The following GTF2IRD1 variants were observed in gnomAD, a reference collection of about 807,000 sequenced individuals.
The protein encoded by GTF2IRD1 is GTF2I repeat domain containing 1.
GTF2IRD1 carries 26 observed loss-of-function variants against 113.2 expected under a neutral mutation model. The ratio of observed to expected loss-of-function variants is 0.23; its 90% CI spans 0.17 to 0.32. The LOEUF is 0.32. Ranked by LOEUF, GTF2IRD1 falls within the 10% of genes least tolerant of loss-of-function variation. The pLI is 1.00. For missense variants in GTF2IRD1, 864 were observed against 1,280.8 expected, an observed-to-expected ratio of 0.67 and a Z score of 4.97; for synonymous variants, 484 against 529.1, an observed-to-expected ratio of 0.91 and a Z score of 1.17.
At chr7:74,602,169 G>A (rs587604058) in intron 26 of GTF2IRD1, 196 bp from the exon 27 acceptor site, 6 of 474,652 alleles carry the variant, frequency 1.3e-5, no homozygotes, top group Admixed American at 1.2e-4. Flanking sequence ...TTGAACCCGC[G>A]GGGCCAAGGT....
chr7:74,466,975 G>A (rs1472518460), intron 1 of GTF2IRD1, among the ~76,000 whole-genome samples: 1 of 149,878 alleles, frequency 6.7e-6, no homozygotes, highest in Non-Finnish European at 1.5e-5. Context: ...TTTGGAGACA[G>A]GGTCTCGCTC....
intron 1 of GTF2IRD1, among the ~76,000 whole-genome samples, chr7:74,461,478 A>G (rs903542834): frequency 1.3e-5 from 2 of 152,158 alleles, no homozygotes; most frequent in African/African-American, 4.8e-5. Context: ...TTGTTACGCC[A>G]GCCAGTGAGG....
chr7:74,503,220 C>T (rs1554339998), intron 1 of GTF2IRD1, among the ~76,000 whole-genome samples: 2 of 152,046 alleles, frequency 1.3e-5, no homozygotes, highest in Admixed American at 6.5e-5. Context: ...GCGGTCACCT[C>T]TGATGAGGTA....
At position 74,589,873 on chromosome 7, in the gene GTF2IRD1, C is replaced by A. The variant is rs587714692; in HGVS notation, c.2343C>A (p.Leu781=). 8 of 1,611,664 alleles carry A rather than the reference C, an allele frequency of 5.0e-6. No homozygotes were observed. The highest frequency in any genetic ancestry group is 3.3e-4 in the Middle Eastern group (2 of 6,058). Residue 781 remains leucine (L), a synonymous_variant, in exon 23 of 27, where the codon CTC becomes CTA. Transcript: ENST00000424337. ...TAGATGAAGATGACGCCAACAGACT[C>A]GGGGAGAAGGTGATCCTGCGGGAGC... The part of the protein sequence containing the change: ...PKPDEDDANR[L]GEKVILREQV...
At chr7:74,535,783 C>T (rs982445455) in intron 10 of GTF2IRD1, among the ~76,000 whole-genome samples, 3 of 152,216 alleles carry the variant, frequency 2.0e-5, no homozygotes, top group African/African-American at 7.2e-5. Flanking sequence ...TTCCTCTGGG[C>T]TCCTGGCACG....
intron 17 of GTF2IRD1, among the ~76,000 whole-genome samples, chr7:74,549,398 A>C (rs1443296207): frequency 6.6e-6 from 1 of 152,150 alleles, no homozygotes; most frequent in Non-Finnish European, 1.5e-5. Context: ...GATAGTTCTC[A>C]AACTGGGAGA....
At chr7:74,496,105 TGTGTGTATGCATGTGTGA>T (rs1795651771) in intron 1 of GTF2IRD1, among the ~76,000 whole-genome samples, 2 of 152,028 alleles carry the variant, frequency 1.3e-5, no homozygotes, top group South Asian at 4.1e-4. Flanking sequence ...TGTGTGCATA[TGTGTGTATGCATGTGTGA>T]GTGTGCATGC....
At chr7:74,539,307 A>T (rs190292881) in intron 13 of GTF2IRD1, among the ~76,000 whole-genome samples, 2 of 152,138 alleles carry the variant, frequency 1.3e-5, no homozygotes, top group Non-Finnish European at 2.9e-5. Context: ...CATTAGCCAG[A>T]TGTGGTGGTG....
intron 8 of GTF2IRD1, among the ~76,000 whole-genome samples, chr7:74,524,966 G>A (rs1354593645): frequency 6.6e-6 from 1 of 152,186 alleles, no homozygotes; most frequent in Non-Finnish European, 1.5e-5. Flanking sequence ...GAGTCCAGAA[G>A]GTTGAGGCTA....
intron 1 of GTF2IRD1, among the ~76,000 whole-genome samples, chr7:74,464,451 ATTTG>A (rs782420734): frequency 2.0e-5 from 3 of 151,474 alleles, no homozygotes; most frequent in Non-Finnish European, 4.4e-5. Context: ...TGTTGTTGTT[ATTTG>A]TTTGTTTTTG....
intron 1 of GTF2IRD1, among the ~76,000 whole-genome samples, chr7:74,493,433 C>T (rs1420088677): frequency 6.6e-6 from 1 of 152,088 alleles, no homozygotes; most frequent in Non-Finnish European, 1.5e-5. Flanking sequence ...TATAAGGATG[C>T]ATGTGATGGC....
rs1554344097 is a variant in GTF2IRD1 at position 74,514,744 on chromosome 7, A to G, written c.266-697A>G. Among the ~76,000 whole-genome samples, 3 of 151,302 alleles carry G rather than the reference A, an allele frequency of 2.0e-5. No homozygotes were observed. The East Asian group carries it at 5.9e-4, about 30-fold the overall frequency. On this transcript the variant is annotated intron_variant, in intron 3 of 26. Transcript: ENST00000424337. Reference sequence around the variant, plus strand: ...TTCTCTCCCTCCGGCAGAGCAGAAAACGGTGGCATAGATTGGTCAAGACAG... The same window carrying G: ...TTCTCTCCCTCCGGCAGAGCAGAAAGCGGTGGCATAGATTGGTCAAGACAG...
intron 22 of GTF2IRD1, among the ~76,000 whole-genome samples, chr7:74,579,300 T>TA (rs1298230792): frequency 3.3e-5 from 5 of 151,780 alleles, no homozygotes; most frequent in African/African-American, 9.7e-5. Flanking sequence ...ACTACATCTC[T>TA]AAAAAAAAAT....
Position 74,529,852 on chromosome 7 carries a change from T to G in GTF2IRD1, c.1209T>G (p.Thr403=). 1 of 1,614,038 alleles carries G rather than the reference T, an allele frequency of 6.2e-7. No individual in the cohort carries two copies. Among genetic ancestry groups the G allele is most frequent in the Non-Finnish European group, 8.5e-7 (1 of 1,179,976 alleles). ...AGATCCCCTTCAAGCGCCCCTGCACTTATGGAGTCCCCAAGCTGAAGCGGA... is the reference window on the plus strand; with the variant it reads ...AGATCCCCTTCAAGCGCCCCTGCACGTATGGAGTCCCCAAGCTGAAGCGGA... ...PDKIPFKRPC[T]YGVPKLKRIL... The change falls in exon 9 of 27, where the codon ACT becomes ACG. Residue 403 remains threonine (T), a synonymous_variant. Transcript: ENST00000424337.
At chr7:74,595,405 CGAAAAAAA>C (rs1562902257) in intron 25 of GTF2IRD1, among the ~76,000 whole-genome samples, 4 of 139,792 alleles carry the variant, frequency 2.9e-5, no homozygotes, top group Admixed American at 7.5e-5. Flanking sequence ...GACTCCATCT[CGAAAAAAA>C]GAAAAAAAGA....
At chr7:74,529,492 G>A (rs926424311) in intron 8 of GTF2IRD1, among the ~76,000 whole-genome samples, 2 of 152,154 alleles carry the variant, frequency 1.3e-5, no homozygotes, top group African/African-American at 2.4e-5. Flanking sequence ...CTGGGCTCAA[G>A]CCATCTGTCC....
intron 22 of GTF2IRD1, among the ~76,000 whole-genome samples, chr7:74,569,213 A>G (rs1800536501): frequency 6.6e-6 from 1 of 152,150 alleles, no homozygotes; most frequent in African/African-American, 2.4e-5. Flanking sequence ...GTCCCTGCAG[A>G]GATTAGGAGC....
chr7:74,523,918 C>T (rs1195804894), intron 7 of GTF2IRD1, among the ~76,000 whole-genome samples, 153 bp from the exon 8 acceptor site: 5 of 151,754 alleles, frequency 3.3e-5, no homozygotes, highest in African/African-American at 9.7e-5. Flanking sequence ...ACCCTGAATT[C>T]GTGTATGGTC....
intron 22 of GTF2IRD1, among the ~76,000 whole-genome samples, chr7:74,561,542 A>C (rs2130799787): frequency 6.6e-6 from 1 of 150,382 alleles, no homozygotes; most frequent in Non-Finnish European, 1.5e-5. Context: ...TGGCGGGGTG[A>C]ACGGCAGGGG....
Sources: gnomAD v4.1 joint callset for allele counts (sites outside exome capture counted in the v4.1 genomes callset) on GRCh38, gnomAD v4.1.1 for gene constraint, MANE v1.5 for transcripts, NCBI Gene and HGNC (gene_info 2026-07-23, HGNC 2026-07-21) for gene names.